Variants in HDAC8 observed in about 807,000 individuals in gnomAD.
HDAC8 encodes histone deacetylase 8.
Under a neutral mutation model 32.2 loss-of-function variants are expected in HDAC8, and 1 was observed. That is an observed-to-expected ratio of 0.03 (90% confidence interval 0.01 to 0.15). The LOEUF is 0.15. Among genes scored for constraint, HDAC8 ranks in the 10% least tolerant of loss-of-function variants. The probability of loss-of-function intolerance (pLI) is 1.00; values close to 1 mark genes in which losing one functional copy is unlikely to be tolerated. For synonymous variants in HDAC8, 108 were observed against 113.9 expected (o/e 0.95, Z 0.33); for missense variants, 117 against 300.0 (o/e 0.39, Z 4.51).
At chrX:72,569,689 A>T (rs185498670) in intron 2 of HDAC8, among the ~76,000 whole-genome samples, 2 of 111,575 alleles carry the variant, frequency 1.8e-5, no homozygotes, top group East Asian at 5.6e-4. Flanking sequence ...GAATAAAGGG[A>T]GCTAACCCAA....
rs2046539715 is a variant in HDAC8 at position 72,423,105 on chromosome X, G to A, written c.1005+38899C>T. On this transcript the variant is annotated intron_variant, in intron 9 of 10. Transcript: ENST00000373573. ...AAAATTATAACTTTTTTTTAAAAAGGAATCTTTTTAATTTTACCCTGAGAT... is the reference window on the plus strand; with the variant it reads ...AAAATTATAACTTTTTTTTAAAAAGAAATCTTTTTAATTTTACCCTGAGAT... 4.5e-5 allele frequency among the ~76,000 whole-genome samples: 5 copies of A among 111,087 alleles called. No individual in the cohort carries two copies. In the South Asian group the frequency reaches 1.5e-3, roughly 34 times the overall value.
chrX:72,439,216 G>T (rs374318059), intron 9 of HDAC8, among the ~76,000 whole-genome samples: 1 of 111,424 alleles, frequency 9.0e-6, no homozygotes, highest in Non-Finnish European at 1.9e-5. Flanking sequence ...CCAAACTAAG[G>T]TTCATAAGCA....
At chrX:72,570,865 A>G in intron 2 of HDAC8, among the ~76,000 whole-genome samples, 1 of 111,951 alleles carries the variant, frequency 8.9e-6, no homozygotes. Flanking sequence ...ATGTTTTTGG[A>G]AGAAACAGTT....
chrX:72,442,691 A>T (rs1360546301), intron 9 of HDAC8, among the ~76,000 whole-genome samples: 3 of 111,753 alleles, frequency 2.7e-5, no homozygotes, highest in Non-Finnish European at 5.6e-5. Context: ...AACAATATTA[A>T]CTTTAAATGT....
chrX:72,464,463 A>C, intron 8 of HDAC8, 96 bp downstream of exon 8: 1 of 695,223 alleles, frequency 1.4e-6, no homozygotes. Flanking sequence ...GGTTGGTATT[A>C]TCCAATGCAA....
At chrX:72,524,246 A>C (rs782106760) in intron 4 of HDAC8, among the ~76,000 whole-genome samples, 10 of 111,751 alleles carry the variant, frequency 8.9e-5, no homozygotes, top group Admixed American at 5.7e-4. Flanking sequence ...CTCTTTATTT[A>C]CTTATCAACC....
chrX:72,555,997 T>A (rs2051270560), intron 4 of HDAC8, among the ~76,000 whole-genome samples: 1 of 112,082 alleles, frequency 8.9e-6, no homozygotes, highest in Admixed American at 9.5e-5. Context: ...TTAAGAGCTG[T>A]GAGGCAAAAG....
chrX:72,538,375 G>A (rs1556040669), intron 4 of HDAC8, among the ~76,000 whole-genome samples: 1 of 109,687 alleles, frequency 9.1e-6, no homozygotes, highest in Admixed American at 9.7e-5. Context: ...GTAGAGACGG[G>A]GTTTTGCCAT....
At chrX:72,536,315 CATG>C (rs2050522816) in intron 4 of HDAC8, among the ~76,000 whole-genome samples, 1 of 112,210 alleles carries the variant, frequency 8.9e-6, no homozygotes, top group Non-Finnish European at 1.9e-5. Context: ...TGGACACTTA[CATG>C]ATAGAAACCG....
chrX:72,334,409 A>ATGT (rs1555941738), intron 10 of HDAC8, among the ~76,000 whole-genome samples: 2 of 111,974 alleles, frequency 1.8e-5, no homozygotes, highest in Non-Finnish European at 3.8e-5. Context: ...AAACCAAGAC[A>ATGT]GTGTAAATGG....
At chrX:72,337,379 CT>C (rs1212417169) in intron 10 of HDAC8, among the ~76,000 whole-genome samples, 1 of 111,650 alleles carries the variant, frequency 9.0e-6, no homozygotes, top group East Asian at 2.8e-4. Flanking sequence ...CCACATGTGG[CT>C]AGTGGTGAGA....
chrX:72,335,835 G>A (rs2043667500), intron 10 of HDAC8, among the ~76,000 whole-genome samples: 3 of 108,659 alleles, frequency 2.8e-5, no homozygotes, highest in African/African-American at 1.0e-4. Context: ...CTTGAACCCA[G>A]GAGGTCAAGG....
intron 4 of HDAC8, among the ~76,000 whole-genome samples, chrX:72,538,229 G>A (rs1556040521): frequency 9.6e-6 from 1 of 103,900 alleles, no homozygotes; most frequent in African/African-American, 3.5e-5. Flanking sequence ...TGTCACCCAA[G>A]CTGGAGTGCA....
intron 4 of HDAC8, 152 bp from the exon 5 acceptor site, chrX:72,495,420 G>A: frequency 2.6e-6 from 1 of 390,128 alleles, no homozygotes; most frequent in Admixed American, 4.7e-5. Context: ...ATAAGTAAAT[G>A]ACCCAGAATG....
chrX:72,506,165 C>A (rs1556018959), intron 4 of HDAC8, among the ~76,000 whole-genome samples: 1 of 112,206 alleles, frequency 8.9e-6, no homozygotes. Context: ...TCTCCTTGAA[C>A]AAGCTGCTGC....
At chrX:72,466,099 G>A (rs1266914064) in intron 7 of HDAC8, among the ~76,000 whole-genome samples, 3 of 112,046 alleles carry the variant, frequency 2.7e-5, no homozygotes, top group Non-Finnish European at 5.6e-5. Flanking sequence ...CATTTATTGA[G>A]CATCTACATG....
chrX:72,569,852 G>A (rs1250919032), intron 2 of HDAC8, among the ~76,000 whole-genome samples: 1 of 112,297 alleles, frequency 8.9e-6, no homozygotes, highest in African/African-American at 3.2e-5. Context: ...TGTTAGAAAT[G>A]CAGAACTTCA....
chrX:72,332,488 T>C (rs782393319), intron 10 of HDAC8, among the ~76,000 whole-genome samples: 7 of 111,668 alleles, frequency 6.3e-5, no homozygotes, highest in Non-Finnish European at 1.1e-4. Context: ...TATAGTGATA[T>C]CACATTGTGA....
At chrX:72,379,783 T>C (rs1320976713) in intron 9 of HDAC8, among the ~76,000 whole-genome samples, 1 of 111,518 alleles carries the variant, frequency 9.0e-6, no homozygotes, top group Admixed American at 9.6e-5. Context: ...ATTACAACCA[T>C]GAGCCACCAC....
Sources: gnomAD v4.1 joint callset for allele counts (sites outside exome capture counted in the v4.1 genomes callset) on GRCh38, gnomAD v4.1.1 for gene constraint, MANE v1.5 for transcripts, NCBI Gene and HGNC (gene_info 2026-07-23, HGNC 2026-07-21) for gene names.